The following PHF21B variants were observed in gnomAD, a reference collection of about 807,000 sequenced individuals.
PHF21B encodes the protein PHD finger protein 21B.
PHF21B carries 22 observed loss-of-function variants against 62.2 expected under a neutral mutation model. That is an observed-to-expected ratio of 0.35 (90% CI 0.25 to 0.51). PHF21B has a LOEUF of 0.51. Among genes scored for constraint, PHF21B ranks in the 20% least tolerant of loss-of-function variants. The pLI is 0.97. For missense variants in PHF21B, 701 were observed against 707.9 expected, an observed-to-expected ratio of 0.99 and a Z score of 0.11; for synonymous variants, 341 against 314.7, an observed-to-expected ratio of 1.08 and a Z score of -0.88.
intron 2 of PHF21B, among the ~76,000 whole-genome samples, chr22:44,952,689 T>A (rs564401293): frequency 6.6e-6 from 1 of 152,220 alleles, no homozygotes; most frequent in Non-Finnish European, 1.5e-5. Context: ...ATGATGAATA[T>A]GTTTACAGTT....
At chr22:45,007,391 G>T (rs1308128039) in intron 2 of PHF21B, among the ~76,000 whole-genome samples, 1 of 151,302 alleles carries the variant, frequency 6.6e-6, no homozygotes, top group East Asian at 2.0e-4. Context: ...CGGGGGAGGG[G>T]GCGTCCGATC....
intron 6 of PHF21B, among the ~76,000 whole-genome samples, chr22:44,894,653 C>T (rs2071025717): frequency 1.3e-5 from 2 of 152,178 alleles, no homozygotes; most frequent in Admixed American, 6.5e-5. Flanking sequence ...CAACCATGCA[C>T]GCAGAAGGGT....
At chr22:44,953,230 G>T (rs1215192313) in intron 2 of PHF21B, among the ~76,000 whole-genome samples, 3 of 152,202 alleles carry the variant, frequency 2.0e-5, no homozygotes, top group African/African-American at 7.2e-5. Flanking sequence ...CCAAGCCCTG[G>T]GCAGGATGCA....
At chr22:44,956,739 C>T (rs539131193) in intron 2 of PHF21B, among the ~76,000 whole-genome samples, 2 of 152,276 alleles carry the variant, frequency 1.3e-5, no homozygotes, top group African/African-American at 2.4e-5. Flanking sequence ...TTGCTGGGCC[C>T]ACCCAAGGCA....
At chr22:44,919,069 G>A (rs1206642099) in intron 3 of PHF21B, among the ~76,000 whole-genome samples, 1 of 152,076 alleles carries the variant, frequency 6.6e-6, no homozygotes, top group East Asian at 1.9e-4. Context: ...TCCCTCTAGG[G>A]CCTAACTCTA....
chr22:44,948,394 G>A (rs1260293310), intron 2 of PHF21B, among the ~76,000 whole-genome samples: 1 of 152,158 alleles, frequency 6.6e-6, no homozygotes, highest in Non-Finnish European at 1.5e-5. Context: ...AGAAAACTCT[G>A]CTTCAGGCTG....
intron 2 of PHF21B, among the ~76,000 whole-genome samples, chr22:44,957,909 T>C (rs926664833): frequency 1.3e-5 from 2 of 151,940 alleles, no homozygotes; most frequent in African/African-American, 4.8e-5. Flanking sequence ...GGACATTTTT[T>C]TTTTTTTTTT....
intron 5 of PHF21B, among the ~76,000 whole-genome samples, chr22:44,896,564 G>A (rs552189283): frequency 1.3e-5 from 2 of 152,202 alleles, no homozygotes; most frequent in African/African-American, 2.4e-5. Context: ...CACATAACAC[G>A]TCACTGGTTC....
At chr22:44,999,246 A>G (rs1569283875) in intron 2 of PHF21B, among the ~76,000 whole-genome samples, 1 of 152,240 alleles carries the variant, frequency 6.6e-6, no homozygotes, top group Non-Finnish European at 1.5e-5. Flanking sequence ...CCTTCAGAGA[A>G]CAGAGACCAT....
At chr22:44,974,052 G>A (rs551939554) in intron 2 of PHF21B, among the ~76,000 whole-genome samples, 2 of 152,338 alleles carry the variant, frequency 1.3e-5, no homozygotes, top group South Asian at 2.1e-4. Context: ...TTTGGGCTGA[G>A]GCCACAGCAG....
intron 2 of PHF21B, among the ~76,000 whole-genome samples, chr22:44,972,451 C>G (rs1193870470): frequency 6.6e-6 from 1 of 152,140 alleles, no homozygotes; most frequent in African/African-American, 2.4e-5. Context: ...CTCAGTGGAA[C>G]GAGGAAGCCG....
chr22:44,992,621 C>A (rs6007404), intron 2 of PHF21B, among the ~76,000 whole-genome samples: 62,321 of 152,172 alleles, frequency 0.41, 14,732 homozygotes, highest in Non-Finnish European at 0.55. Context: ...AGGGTCCCCA[C>A]CAACTCAGCC....
chr22:44,974,828 C>G (rs1411786015), intron 2 of PHF21B, among the ~76,000 whole-genome samples: 1 of 152,190 alleles, frequency 6.6e-6, no homozygotes, highest in Non-Finnish European at 1.5e-5. Context: ...AGATGCCAAC[C>G]AATTTGTTTC....
Position 44,916,395 on chromosome 22 carries a change from T to C in PHF21B, c.449A>G (p.Tyr150Cys), listed in dbSNP as rs538263905. The C allele has an allele frequency of 5.0e-6, 8 of 1,590,988 alleles. No individual in the cohort carries two copies. The highest frequency in any genetic ancestry group is 6.0e-6 in the Non-Finnish European group (7 of 1,175,534). Residue 150 changes from tyrosine to cysteine, a missense_variant, in exon 4 of 13, where the codon TAC (tyrosine) becomes TGC (cysteine). Transcript: ENST00000313237. The part of the protein sequence containing the change: ...ASPLSSAGVA[Y>C]AIISTSPSNA... The stretch of plus-strand genomic sequence containing the variant: ...GCTGGGGGAGGTGGAGATGATGGCG[T>C]AGGCCACCCCCGCACTGCTCAGCGG...
At chr22:44,942,580 C>T (rs2071980064) in intron 2 of PHF21B, among the ~76,000 whole-genome samples, 1 of 152,192 alleles carries the variant, frequency 6.6e-6, no homozygotes, top group Non-Finnish European at 1.5e-5. Flanking sequence ...ATGTGTGCTC[C>T]AGGCTGCCCT....
chr22:44,908,984 G>A (rs191379461), intron 5 of PHF21B, among the ~76,000 whole-genome samples: 114 of 152,236 alleles, frequency 7.5e-4, no homozygotes, highest in Admixed American at 2.5e-3. Context: ...TTTTTGTAGA[G>A]ACCAGGTTTC....
intron 2 of PHF21B, among the ~76,000 whole-genome samples, chr22:45,001,487 G>A (rs2073217046): frequency 6.6e-6 from 1 of 152,138 alleles, no homozygotes; most frequent in African/African-American, 2.4e-5. Flanking sequence ...CTGGTGGCCA[G>A]ACATCTCACA....
chr22:44,939,618 T>A (rs1392093202), intron 2 of PHF21B, among the ~76,000 whole-genome samples: 1 of 151,736 alleles, frequency 6.6e-6, no homozygotes, highest in Non-Finnish European at 1.5e-5. Context: ...GGGGCGGAGG[T>A]AACTGTGGGA....
chr22:44,926,344 G>A (rs953335673), intron 2 of PHF21B, among the ~76,000 whole-genome samples: 5 of 152,244 alleles, frequency 3.3e-5, no homozygotes, highest in African/African-American at 9.6e-5. Context: ...GTGGGGCCCC[G>A]GGGAGGAGAA....
Sources: gnomAD v4.1 joint callset for allele counts (sites outside exome capture counted in the v4.1 genomes callset) on GRCh38, gnomAD v4.1.1 for gene constraint, MANE v1.5 for transcripts, NCBI Gene and HGNC (gene_info 2026-07-23, HGNC 2026-07-21) for gene names.